Variants in EHD2 observed in about 807,000 individuals in gnomAD.
EHD2 encodes the protein EH domain-containing protein 2.
In EHD2, 27 loss-of-function variants were observed where a neutral mutation model predicts 41.0. That is an observed-to-expected ratio of 0.66 (90% CI 0.49 to 0.91). The LOEUF (loss-of-function observed/expected upper bound fraction) is 0.91, where lower values mean the gene tolerates loss of function less well. Ranked by LOEUF, EHD2 falls within the 40% of genes least tolerant of loss-of-function variation. The pLI is 0.00. For synonymous variants in EHD2, 342 were observed against 341.0 expected (o/e 1.00, Z -0.03); for missense variants, 673 against 773.9 (o/e 0.87, Z 1.55).
intron 2 of EHD2, among the ~76,000 whole-genome samples, chr19:47,717,237 T>A (rs1973638925): frequency 6.6e-6 from 1 of 152,030 alleles, no homozygotes; most frequent in African/African-American, 2.4e-5. Flanking sequence ...TAGGTACAGT[T>A]GGGGTTTCAC....
rs774901748 is a variant in EHD2, at chr19:47,726,231, A to T, written c.915+7A>T. The stretch of plus-strand genomic sequence containing the variant: ...GAGGGCCCGGCTGGTGCGAGTGAGT[A>T]GTCCTGAGGGCTGGGCGCGCATTCT... On this transcript the variant is annotated splice_region_variant and intron_variant, in intron 4 of 5. Transcript: ENST00000263277. 62 of 1,485,110 alleles carry T rather than the reference A, an allele frequency of 4.2e-5. 2 individuals carry two copies. The South Asian group carries it at 8.0e-4, about 19-fold the overall frequency. 92.0% of individuals were successfully genotyped at this position (1,485,110 alleles called of 1,614,324 possible).
intron 5 of EHD2, among the ~76,000 whole-genome samples, chr19:47,738,101 C>T (rs951656336): frequency 4.6e-5 from 7 of 151,712 alleles, no homozygotes; most frequent in Non-Finnish European, 2.9e-5. Flanking sequence ...AGGCTGGTCT[C>T]GAACTCCTGG....
At chr19:47,738,637 T>C (rs537648652) in intron 5 of EHD2, among the ~76,000 whole-genome samples, 5 of 152,322 alleles carry the variant, frequency 3.3e-5, no homozygotes, top group Admixed American at 3.3e-4. Context: ...TAAGCACATG[T>C]GGCTAGTGGC....
At chr19:47,713,857 T>TC (rs945784281) in intron 1 of EHD2, among the ~76,000 whole-genome samples, 31 of 150,782 alleles carry the variant, frequency 2.1e-4, no homozygotes, top group African/African-American at 7.3e-4. Context: ...CTCCACGCCC[T>TC]CATCCATATC....
intron 4 of EHD2, among the ~76,000 whole-genome samples, chr19:47,727,460 C>G (rs948254542): frequency 6.6e-6 from 1 of 152,100 alleles, no homozygotes; most frequent in Admixed American, 6.6e-5. Context: ...AGGGAACAGA[C>G]AAGGTTCCAG....
chr19:47,735,013 C>T (rs1166810150), intron 4 of EHD2, among the ~76,000 whole-genome samples: 2 of 152,130 alleles, frequency 1.3e-5, no homozygotes, highest in Non-Finnish European at 2.9e-5. Flanking sequence ...GGTTGCGCCA[C>T]TGTCCTCCAG....
intron 5 of EHD2, among the ~76,000 whole-genome samples, chr19:47,740,603 G>A (rs1186769211): frequency 6.6e-6 from 1 of 152,012 alleles, no homozygotes; most frequent in Admixed American, 6.6e-5. Context: ...AAAATTAGCT[G>A]GGCATGGTGG....
In EHD2 at chr19:47,740,904, C is replaced by T; in HGVS notation, c.1104C>T (p.Phe368=). 6.2e-7 allele frequency: 1 copy of T among 1,613,284 alleles called. No individual in the cohort carries two copies. The highest frequency in any genetic ancestry group is 8.5e-7 in the Non-Finnish European group (1 of 1,179,898). Residue 368 remains phenylalanine (F), a synonymous_variant, in exon 6 of 6, where the codon TTC becomes TTT. Coordinates refer to ENST00000263277, the MANE Select transcript of EHD2 (RefSeq NM_014601.4). ...KMQELLMAHD[F]TKFHSLKPKL... ...AGGAGCTGCTGATGGCGCACGACTT[C>T]ACCAAGTTTCACTCGCTGAAGCCGA...
At chr19:47,733,644 GC>G (rs1966891454) in intron 4 of EHD2, among the ~76,000 whole-genome samples, 1 of 150,294 alleles carries the variant, frequency 6.7e-6, no homozygotes, top group African/African-American at 2.4e-5. Flanking sequence ...TCCAGCCTGG[GC>G]GGCAGAGTGA....
chr19:47,731,279 A>AAAAAAAAAAATAT, intron 4 of EHD2: 61 of 60,902 alleles, frequency 1.0e-3, no homozygotes, highest in Non-Finnish European at 1.6e-3. Flanking sequence ...AAAAAAAAAA[A>AAAAAAAAAAATAT]ATATATATAT....
At chr19:47,722,158 A>T (rs925147497) in intron 3 of EHD2, among the ~76,000 whole-genome samples, 1 of 152,190 alleles carries the variant, frequency 6.6e-6, no homozygotes, top group African/African-American at 2.4e-5. Flanking sequence ...TGCACACAGT[A>T]GGCGCTATGG....
intron 4 of EHD2, 77 bp from the exon 5 acceptor site, chr19:47,736,292 G>C: frequency 1.4e-6 from 2 of 1,387,724 alleles, no homozygotes; most frequent in Admixed American, 2.3e-5. Context: ...ATCTCTGGGA[G>C]TGGGGCCTGC....
chr19:47,725,756 A>AG, intron 3 of EHD2, 56 bp from the exon 4 acceptor site: 2 of 1,525,804 alleles, frequency 1.3e-6, no homozygotes, highest in Non-Finnish European at 1.8e-6. Flanking sequence ...GAATGGCTGG[A>AG]GGGTGGGGGT....
chr19:47,716,215 A>G lies in EHD2; in HGVS notation c.-55-343A>G, dbSNP rs950812681. On this transcript the variant is annotated intron_variant, in intron 1 of 5. Transcript: ENST00000263277. Reference sequence around the variant, plus strand: ...TGCCTCAGCCTCCCAAAGTGCTAGGACTACAGGCATGCACCACCATGCCCA... The same window carrying G: ...TGCCTCAGCCTCCCAAAGTGCTAGGGCTACAGGCATGCACCACCATGCCCA... Among the ~76,000 whole-genome samples, 8 of 151,778 alleles carry G rather than the reference A, an allele frequency of 5.3e-5. No homozygotes were observed. In the East Asian group the frequency reaches 5.8e-4, roughly 11 times the overall value.
In EHD2 at chr19:47,741,491, AC is replaced by A; in HGVS notation, c.*63del. The A allele has an allele frequency of 3.3e-6, 5 of 1,501,796 alleles. No homozygotes were observed. The highest frequency in any genetic ancestry group is 4.4e-6 in the Non-Finnish European group (5 of 1,124,934). The allele number at this position is 1,501,796 out of a possible 1,614,324, so 93.0% of individuals were successfully genotyped here. ...CCCAGCTCCAGTCGGCTGCACGCAC[AC>A]CCCTGCTCCGGCTCACACACGCCCT... On this transcript the variant is annotated 3_prime_UTR_variant, in exon 6 of 6. Coordinates refer to ENST00000263277, the MANE Select transcript of EHD2 (RefSeq NM_014601.4). This position sits in a 1 kb window ranked among gnomAD's most constrained non-coding sequence, Gnocchi z 4.5.
intron 3 of EHD2, among the ~76,000 whole-genome samples, chr19:47,725,245 C>G (rs547420800): frequency 1.3e-5 from 2 of 151,450 alleles, no homozygotes; most frequent in Non-Finnish European, 2.9e-5. Flanking sequence ...AATGAATGAG[C>G]AAATGAAAAA....
At chr19:47,714,130 T>C (rs1293911996) in intron 1 of EHD2, among the ~76,000 whole-genome samples, 1 of 152,226 alleles carries the variant, frequency 6.6e-6, no homozygotes, top group African/African-American at 2.4e-5. Context: ...GATTTTAGCA[T>C]ATTTGATTTG....
At position 47,736,553 on chromosome 19, in the gene EHD2, G is replaced by A; in HGVS notation, c.1080+20G>A. 3 of 1,565,568 alleles carry A rather than the reference G, an allele frequency of 1.9e-6. No individual in the cohort carries two copies. Among genetic ancestry groups the A allele is most frequent in the South Asian group, 2.4e-5 (2 of 84,398 alleles). On this transcript the variant is annotated intron_variant, in intron 5 of 5. Coordinates refer to ENST00000263277, the MANE Select transcript of EHD2 (RefSeq NM_014601.4). ...ATGCAGGTGGGAAGCTGCCCAGGAG[G>A]GAATGTTGGGGGTGGGTGATGGGAA...
chr19:47,738,662 G>GGCTAACAGTAGAAGCTGCACAT (rs1326919986), intron 5 of EHD2, among the ~76,000 whole-genome samples: 1 of 152,186 alleles, frequency 6.6e-6, no homozygotes, highest in African/African-American at 2.4e-5. Flanking sequence ...ATACTGGACA[G>GGCTAACAGTAGAAGCTGCACAT]GCTAACAGTA....
Sources: allele counts gnomAD v4.1 joint callset (sites outside exome capture counted in the v4.1 genomes callset), GRCh38; gene constraint gnomAD v4.1.1; non-coding constraint Gnocchi (gnomAD v3.1); transcripts MANE v1.5; gene names NCBI Gene and HGNC (gene_info 2026-07-23, HGNC 2026-07-21).